TAF3: variants seen among roughly 807,000 people sequenced by gnomAD.
TAF3 encodes the protein TATA-box binding protein associated factor 3.
TAF3 carries 7 observed loss-of-function variants against 80.6 expected under a neutral mutation model. The observed-to-expected ratio is 0.09, with a 90% CI of 0.05 to 0.16. The LOEUF is 0.16. TAF3 is among the 10% of genes least tolerant of loss of function. The pLI, the probability that TAF3 is intolerant of heterozygous loss-of-function variation, is 1.00. For missense variants in TAF3, 921 were observed against 1,140.2 expected (o/e 0.81, Z 2.77); for synonymous variants, 444 against 446.1 (o/e 1.00, Z 0.06).
intron 3 of TAF3, among the ~76,000 whole-genome samples, chr10:7,968,329 C>T (rs908637156): frequency 7.9e-5 from 12 of 152,282 alleles, no homozygotes; most frequent in African/African-American, 2.9e-4. Flanking sequence ...CAAGCAAGAG[C>T]ATTTGTTTAA....
intron 4 of TAF3, among the ~76,000 whole-genome samples, chr10:8,007,590 A>G (rs1832008165): frequency 8.3e-6 from 1 of 120,414 alleles, no homozygotes; most frequent in Non-Finnish European, 1.7e-5. Flanking sequence ...ATATATATAT[A>G]TATATATATA....
At chr10:7,977,417 A>G in intron 4 of TAF3, 94 bp downstream of exon 4, 1 of 1,226,568 alleles carries the variant, frequency 8.2e-7, no homozygotes, top group Admixed American at 1.9e-5. Flanking sequence ...AGCTTCTCCC[A>G]GGTATGAACC....
At chr10:7,826,929 C>T (rs1836747703) in intron 2 of TAF3, among the ~76,000 whole-genome samples, 1 of 151,980 alleles carries the variant, frequency 6.6e-6, no homozygotes, top group Non-Finnish European at 1.5e-5. Context: ...AGAGGTGAAC[C>T]CCTTTGATAA....
intron 2 of TAF3, among the ~76,000 whole-genome samples, chr10:7,898,814 G>GT (rs201095581): frequency 8.9e-4 from 133 of 149,494 alleles, no homozygotes; most frequent in Non-Finnish European, 1.5e-3. Flanking sequence ...TTTTCTTTGA[G>GT]TTTTTTTTTT....
chr10:7,819,384 T>G (rs1836667195), intron 1 of TAF3, among the ~76,000 whole-genome samples: 1 of 152,222 alleles, frequency 6.6e-6, no homozygotes. Context: ...TGCCTCGTCT[T>G]TCTGTATCTG....
intron 2 of TAF3, chr10:7,833,805 G>T: frequency 2.4e-6 from 1 of 415,256 alleles, no homozygotes; most frequent in Non-Finnish European, 4.1e-6. Flanking sequence ...CAGCTGGGTG[G>T]CCAATTGCAG....
intron 2 of TAF3, among the ~76,000 whole-genome samples, chr10:7,857,735 C>CT (rs1837094952): frequency 6.6e-6 from 1 of 151,842 alleles, no homozygotes; most frequent in Non-Finnish European, 1.5e-5. Context: ...TTTCTGTCAG[C>CT]TTTTTTATGT....
At chr10:7,902,632 T>C (rs912961426) in intron 2 of TAF3, among the ~76,000 whole-genome samples, 1 of 152,120 alleles carries the variant, frequency 6.6e-6, no homozygotes, top group Non-Finnish European at 1.5e-5. Flanking sequence ...GATGACTGTG[T>C]AGTTCAGATG....
chr10:7,871,590 T>C (rs1837267447), intron 2 of TAF3, among the ~76,000 whole-genome samples: 1 of 151,856 alleles, frequency 6.6e-6, no homozygotes, highest in Admixed American at 6.6e-5. Flanking sequence ...ATTATAGGCA[T>C]GTGCCACCAT....
intron 4 of TAF3, among the ~76,000 whole-genome samples, chr10:7,979,132 C>T (rs916700538): frequency 6.6e-6 from 1 of 152,054 alleles, no homozygotes; most frequent in Non-Finnish European, 1.5e-5. Flanking sequence ...ATCACAAGGT[C>T]AGGAGATCGA....
chr10:7,995,541 G>C (rs1177819934), intron 4 of TAF3, among the ~76,000 whole-genome samples: 1 of 152,144 alleles, frequency 6.6e-6, no homozygotes, highest in East Asian at 1.9e-4. Flanking sequence ...TGCCCTTTTA[G>C]AGATTTTATG....
chr10:7,887,097 T>C (rs1274189103), intron 2 of TAF3, among the ~76,000 whole-genome samples: 5 of 151,872 alleles, frequency 3.3e-5, no homozygotes, highest in African/African-American at 7.3e-5. Context: ...TAGCCGGGCG[T>C]GGTGGCAGGC....
At chr10:7,938,649 C>T (rs1388191401) in intron 2 of TAF3, among the ~76,000 whole-genome samples, 1 of 151,930 alleles carries the variant, frequency 6.6e-6, no homozygotes, top group East Asian at 1.9e-4. Context: ...AATAGTCAAG[C>T]CAAGATGCCT....
At chr10:7,848,795 T>C (rs557026577) in intron 2 of TAF3, among the ~76,000 whole-genome samples, 1 of 152,342 alleles carries the variant, frequency 6.6e-6, no homozygotes, top group Admixed American at 6.5e-5. Flanking sequence ...ATAAACTTTA[T>C]GCCAATATGC....
At chr10:7,870,026 TTTAAAAAAA>T (rs1474442664) in intron 2 of TAF3, among the ~76,000 whole-genome samples, 6 of 152,208 alleles carry the variant, frequency 3.9e-5, no homozygotes, top group African/African-American at 1.4e-4. Context: ...GGTGAGCATC[TTTAAAAAAA>T]TTAGATAATT....
At chr10:7,907,934 G>A (rs927189072) in intron 2 of TAF3, among the ~76,000 whole-genome samples, 2 of 152,192 alleles carry the variant, frequency 1.3e-5, no homozygotes, top group Non-Finnish European at 2.9e-5. Flanking sequence ...GATGGGGACT[G>A]AATCTGGAGC....
rs550802265 is a variant in TAF3 at position 7,961,249 on chromosome 10, A to G, written c.410-2671A>G. On this transcript the variant is annotated intron_variant, in intron 2 of 6. Coordinates refer to ENST00000344293, the MANE Select transcript of TAF3 (RefSeq NM_031923.4). ...AGAAGATGGGAGAGAATCTAGAATG[A>G]CCCCAGGTTCCTGACTTGGGACCTG... 1.1e-4 allele frequency among the ~76,000 whole-genome samples: 16 copies of G among 152,210 alleles called. No homozygotes were observed. The East Asian group carries it at 3.1e-3, about 29-fold the overall frequency.
intron 2 of TAF3, among the ~76,000 whole-genome samples, chr10:7,946,441 G>A (rs927633127): frequency 1.3e-5 from 2 of 152,164 alleles, no homozygotes; most frequent in African/African-American, 4.8e-5. Context: ...AGAAGGTGGT[G>A]GGCCAGGCAC....
At chr10:7,951,329 G>A (rs151171780) in intron 2 of TAF3, among the ~76,000 whole-genome samples, 121 of 152,270 alleles carry the variant, frequency 7.9e-4, no homozygotes, top group African/African-American at 2.8e-3. Flanking sequence ...TCAGCCATGC[G>A]GCTCTTCTGC....
Sources: allele counts gnomAD v4.1 joint callset (sites outside exome capture counted in the v4.1 genomes callset), GRCh38; gene constraint gnomAD v4.1.1; transcripts MANE v1.5; gene names NCBI Gene and HGNC (gene_info 2026-07-23, HGNC 2026-07-21).